The following AFF1 variants were observed in gnomAD, a reference collection of about 807,000 sequenced individuals.
AFF1 encodes ALF transcription elongation factor 1.
Under a neutral mutation model 121.7 loss-of-function variants are expected in AFF1, and 48 were observed. The ratio of observed to expected loss-of-function variants is 0.39; its 90% CI spans 0.31 to 0.50. AFF1 has a LOEUF of 0.50. Ranked by LOEUF, AFF1 falls within the 20% of genes least tolerant of loss-of-function variation. The pLI, the probability that AFF1 is intolerant of heterozygous loss-of-function variation, is 0.76. For synonymous variants in AFF1, 613 were observed against 563.0 expected (o/e 1.09, Z -1.26); for missense variants, 1,523 against 1,511.7 (o/e 1.01, Z -0.12).
At chr4:87,079,935 A>ATAATGGTGCGTCGTACAAT (rs1723011581) in intron 4 of AFF1, among the ~76,000 whole-genome samples, 1 of 152,230 alleles carries the variant, frequency 6.6e-6, no homozygotes, top group Non-Finnish European at 1.5e-5. Context: ...TCCCAAGCTA[A>ATAATGGTGCGTCGTACAAT]TAATGGTGCG....
intron 2 of AFF1, among the ~76,000 whole-genome samples, chr4:87,045,283 A>G (rs1730561414): frequency 6.6e-6 from 1 of 152,228 alleles, no homozygotes; most frequent in Non-Finnish European, 1.5e-5. Flanking sequence ...GTCTGTGAAG[A>G]CAGAAGTCAT....
chr4:87,022,658 ATAT>A, intron 2 of AFF1, among the ~76,000 whole-genome samples: 1 of 139,916 alleles, frequency 7.1e-6, no homozygotes, highest in East Asian at 2.1e-4. Flanking sequence ...GTGTGTATAT[ATAT>A]GTGTGTGTAT....
At chr4:87,054,490 A>G (rs1384058894) in intron 4 of AFF1, among the ~76,000 whole-genome samples, 2 of 152,234 alleles carry the variant, frequency 1.3e-5, no homozygotes, top group Admixed American at 6.5e-5. Flanking sequence ...GAAGATTATG[A>G]CACAATCTTA....
At chr4:87,053,059 G>A (rs898201554) in intron 4 of AFF1, among the ~76,000 whole-genome samples, 1 of 152,136 alleles carries the variant, frequency 6.6e-6, no homozygotes, top group Non-Finnish European at 1.5e-5. Flanking sequence ...GTCATAAACA[G>A]GAGTCTAACT....
rs1560632074 is a variant in AFF1, at chr4:87,108,153, T to C, written c.1377-6T>C. 2 of 1,613,144 alleles carry C rather than the reference T, an allele frequency of 1.2e-6. No homozygotes were observed. The highest frequency in any genetic ancestry group is 1.7e-6 in the Non-Finnish European group (2 of 1,179,566). On this transcript the variant is annotated splice_region_variant and splice_polypyrimidine_tract_variant and intron_variant, in intron 10 of 20. Coordinates refer to ENST00000395146, the MANE Select transcript of AFF1 (RefSeq NM_001166693.3). ...CTTCTAATTTTATCTTTTGGTTGCT[T>C]TGCAGTGCTCCACAGTCCCTTCCAG...
At chr4:86,964,501 C>T (rs1392024598) in intron 2 of AFF1, among the ~76,000 whole-genome samples, 1 of 148,814 alleles carries the variant, frequency 6.7e-6, no homozygotes. Context: ...AATGGTGCAA[C>T]CTCTGCTCAC....
intron 4 of AFF1, among the ~76,000 whole-genome samples, chr4:87,049,338 C>T (rs557388346): frequency 2.1e-4 from 32 of 150,904 alleles, no homozygotes; most frequent in Middle Eastern, 3.2e-3. Context: ...CTCTCTGGAA[C>T]GAGGTGCTTA....
chr4:87,122,689 G>A (rs927067302), intron 12 of AFF1, among the ~76,000 whole-genome samples: 4 of 151,726 alleles, frequency 2.6e-5, no homozygotes, highest in Admixed American at 2.0e-4. Flanking sequence ...TCTTATCTAA[G>A]CAGTATATTT....
At chr4:87,111,203 G>C (rs1726492926) in intron 11 of AFF1, among the ~76,000 whole-genome samples, 1 of 80,770 alleles carries the variant, frequency 1.2e-5, no homozygotes, top group Non-Finnish European at 2.7e-5. Flanking sequence ...TTTTTTAGTA[G>C]AGACGGGGTT....
In AFF1 at chr4:86,990,166, TATAATA is replaced by T. The variant is rs35076194; in HGVS notation, c.38+41614_38+41619del. On this transcript the variant is annotated intron_variant, in intron 2 of 20. Transcript: ENST00000395146. ...TGCCCATGTATTCCAGAACTTAAAT[TATAATA>T]ATAATAATAATAATAATAGACTGAA... 1.4e-3 allele frequency among the ~76,000 whole-genome samples: 204 copies of T among 148,104 alleles called. 1 individual carries two copies. The highest frequency in any genetic ancestry group is 6.9e-3 in the Middle Eastern group (2 of 290).
intron 2 of AFF1, among the ~76,000 whole-genome samples, chr4:87,034,294 G>A (rs562151747): frequency 8.5e-5 from 13 of 152,284 alleles, no homozygotes; most frequent in South Asian, 6.2e-4. Context: ...GCTAGATCTC[G>A]GAAGTGTGCT....
chr4:87,128,427 A>G (rs1396515625), intron 16 of AFF1, among the ~76,000 whole-genome samples: 1 of 152,258 alleles, frequency 6.6e-6, no homozygotes, highest in Non-Finnish European at 1.5e-5. Flanking sequence ...TAGATATCCA[A>G]GACTCTGGGG....
At chr4:87,106,228 C>A (rs1173774757) in intron 10 of AFF1, among the ~76,000 whole-genome samples, 1 of 152,058 alleles carries the variant, frequency 6.6e-6, no homozygotes, top group East Asian at 1.9e-4. Context: ...ACTAAAAATA[C>A]AAAAATTAGC....
intron 2 of AFF1, among the ~76,000 whole-genome samples, chr4:87,025,383 A>G (rs1311847906): frequency 1.3e-5 from 2 of 152,234 alleles, no homozygotes; most frequent in African/African-American, 2.4e-5. Context: ...TAGAGAGTGT[A>G]TGGCTTGTCC....
chr4:87,112,010 C>T (rs1726590390), intron 11 of AFF1, among the ~76,000 whole-genome samples: 1 of 152,164 alleles, frequency 6.6e-6, no homozygotes. Flanking sequence ...AAATAGTCTT[C>T]TAAAGAGCAT....
At position 87,108,332 on chromosome 4, in the gene AFF1, C is replaced by T. The variant is rs781675688; in HGVS notation, c.1533+17C>T. The T allele has an allele frequency of 1.5e-5, 24 of 1,609,358 alleles. No homozygotes were observed. Among genetic ancestry groups the T allele is most frequent in the East Asian group, 6.7e-5 (3 of 44,820 alleles). On this transcript the variant is annotated intron_variant, in intron 11 of 20. Transcript: ENST00000395146. The stretch of plus-strand genomic sequence containing the variant: ...GCTCCGGAGGTACCGTGTTCCCCCT[C>T]GAGATGGCCACCTTAGATGGCAGCA...
intron 2 of AFF1, among the ~76,000 whole-genome samples, chr4:86,975,763 C>T (rs557992805): frequency 1.5e-4 from 23 of 152,256 alleles, no homozygotes; most frequent in Admixed American, 1.4e-3. Flanking sequence ...CACAGTTATT[C>T]TTTTGCCCCC....
At chr4:86,942,503 A>T (rs924603872) in intron 1 of AFF1, among the ~76,000 whole-genome samples, 1 of 152,216 alleles carries the variant, frequency 6.6e-6, no homozygotes, top group African/African-American at 2.4e-5. Flanking sequence ...CTCAGTAGCC[A>T]TTCCTGTTTG....
chr4:87,112,675 T>C (rs1169576826), intron 11 of AFF1, among the ~76,000 whole-genome samples: 3 of 152,240 alleles, frequency 2.0e-5, no homozygotes, highest in South Asian at 2.1e-4. Flanking sequence ...GGGAAAATTG[T>C]CAGCAGTCTT....
Sources: gnomAD v4.1 joint callset for allele counts (sites outside exome capture counted in the v4.1 genomes callset) on GRCh38, gnomAD v4.1.1 for gene constraint, MANE v1.5 for transcripts, NCBI Gene and HGNC (gene_info 2026-07-23, HGNC 2026-07-21) for gene names.